SCLT1: variants seen among roughly 807,000 people sequenced by gnomAD.
The protein encoded by SCLT1 is sodium channel and clathrin linker 1.
A neutral mutation model predicts 112.8 loss-of-function variants in SCLT1; 78 were observed. The observed-to-expected ratio is 0.69, with a 90% CI of 0.58 to 0.83. The LOEUF (loss-of-function observed/expected upper bound fraction) is 0.83. SCLT1 is among the 40% of genes least tolerant of loss of function. The pLI is 0.00. For missense variants in SCLT1, 747 were observed against 770.4 expected, an observed-to-expected ratio of 0.97 and a Z score of 0.36; for synonymous variants, 257 against 254.7, an observed-to-expected ratio of 1.01 and a Z score of -0.09.
intron 2 of SCLT1, among the ~76,000 whole-genome samples, chr4:129,076,199 T>C (rs1464221853): frequency 6.6e-6 from 1 of 152,178 alleles, no homozygotes; most frequent in African/African-American, 2.4e-5. Flanking sequence ...AGGGATCCTT[T>C]GTCTATGTTA....
chr4:129,038,065 C>T (rs1049813050), intron 5 of SCLT1: 3 of 153,072 alleles, frequency 2.0e-5, no homozygotes, highest in African/African-American at 4.8e-5. Context: ...ATCCGGGAGG[C>T]GGAGCTTGCA....
chr4:128,918,894 T>C (rs1308202765), intron 18 of SCLT1, among the ~76,000 whole-genome samples: 3 of 152,188 alleles, frequency 2.0e-5, no homozygotes, highest in Non-Finnish European at 2.9e-5. Context: ...TAAATATATA[T>C]GCATCTAGCA....
chr4:128,874,509 A>T (rs530620862), intron 4 of SCLT1: 12 of 44,098 alleles, frequency 2.7e-4, no homozygotes, highest in East Asian at 9.9e-4. Context: ...AAAAAATATT[A>T]AAAAAAACCC....
chr4:129,078,536 A>C (rs1474816791), intron 2 of SCLT1, among the ~76,000 whole-genome samples: 1 of 151,784 alleles, frequency 6.6e-6, no homozygotes, highest in Admixed American at 6.6e-5. Context: ...AAGTATGCAT[A>C]AAAATTATAT....
chr4:128,930,450 G>A (rs1467208142), intron 18 of SCLT1, among the ~76,000 whole-genome samples: 2 of 152,112 alleles, frequency 1.3e-5, no homozygotes, highest in Non-Finnish European at 2.9e-5. Flanking sequence ...ATGAGTAAAC[G>A]CTTGACTCAT....
At chr4:128,918,189 TA>T (rs1414115989) in intron 18 of SCLT1, among the ~76,000 whole-genome samples, 1 of 152,158 alleles carries the variant, frequency 6.6e-6, no homozygotes, top group East Asian at 1.9e-4. Context: ...AATAAATAGA[TA>T]GAGAAACCAG....
chr4:128,908,374 G>A (rs1224153802), intron 18 of SCLT1, among the ~76,000 whole-genome samples: 4 of 96,628 alleles, frequency 4.1e-5, no homozygotes, highest in Admixed American at 2.5e-4. Flanking sequence ...CTCTCATCCT[G>A]TTAATTAAAA....
chr4:128,913,722 C>T (rs764641915), intron 18 of SCLT1, among the ~76,000 whole-genome samples: 11 of 152,082 alleles, frequency 7.2e-5, no homozygotes, highest in Admixed American at 1.3e-4. Context: ...TAAAATGGGG[C>T]GCTCTCAAAA....
intron 10 of SCLT1, among the ~76,000 whole-genome samples, chr4:128,967,940 AGT>A (rs1187124238): frequency 6.6e-6 from 1 of 152,138 alleles, no homozygotes; most frequent in Admixed American, 6.5e-5. Flanking sequence ...TATGTCCAGA[AGT>A]GTTTCCACAG....
intron 2 of SCLT1, among the ~76,000 whole-genome samples, chr4:129,069,211 G>T (rs1045689564): frequency 1.3e-5 from 2 of 152,168 alleles, no homozygotes; most frequent in Admixed American, 6.5e-5. Flanking sequence ...GTAGTATGAT[G>T]CCTCCAGATT....
chr4:128,931,760 C>A (rs1004292183), intron 18 of SCLT1, among the ~76,000 whole-genome samples: 6 of 152,182 alleles, frequency 3.9e-5, no homozygotes, highest in African/African-American at 1.4e-4. Flanking sequence ...CCGCACCCGG[C>A]CTACAGAATT....
In SCLT1 at chr4:128,952,703, T is replaced by C. The variant is rs541781090; in HGVS notation, c.1218+66A>G. 85 of 888,588 alleles carry C rather than the reference T, an allele frequency of 9.6e-5. No homozygotes were observed. In the South Asian group the frequency reaches 1.0e-3, roughly 11 times the overall value. 55.0% of individuals were successfully genotyped at this position (888,588 alleles called of 1,614,324 possible). On this transcript the variant is annotated intron_variant, in intron 14 of 20. Transcript: ENST00000281142. ...ATCTTTTGAATGAATGAATCCCCAA[T>C]AGTATATATCTTGGCCTTTAAAATA...
intron 1 of SCLT1, among the ~76,000 whole-genome samples, chr4:129,082,880 A>G (rs1304114402): frequency 6.6e-6 from 1 of 152,150 alleles, no homozygotes; most frequent in East Asian, 1.9e-4. Flanking sequence ...CCCAGAATAA[A>G]GGTGAGAGGT....
chr4:128,975,859 T>G (rs1161813971), intron 9 of SCLT1, among the ~76,000 whole-genome samples: 2 of 152,096 alleles, frequency 1.3e-5, no homozygotes, highest in Admixed American at 6.6e-5. Context: ...TATTTCAAAT[T>G]TTTTCCTCTT....
intron 9 of SCLT1, among the ~76,000 whole-genome samples, chr4:128,973,392 T>C (rs1187257302): frequency 7.6e-6 from 1 of 131,896 alleles, no homozygotes; most frequent in Non-Finnish European, 1.5e-5. Flanking sequence ...AGTAAATCAA[T>C]CATAAATGAA....
intron 9 of SCLT1, among the ~76,000 whole-genome samples, chr4:128,982,528 G>C (rs1420903977): frequency 2.0e-5 from 3 of 152,112 alleles, no homozygotes; most frequent in African/African-American, 7.2e-5. Context: ...TTGAGATGGA[G>C]TCTTGCTCTG....
At chr4:129,055,344 C>T (rs1749257683) in intron 2 of SCLT1, among the ~76,000 whole-genome samples, 1 of 152,210 alleles carries the variant, frequency 6.6e-6, no homozygotes, top group Admixed American at 6.5e-5. Context: ...TCAGAGCCAT[C>T]AGGCAAGATC....
intron 5 of SCLT1, among the ~76,000 whole-genome samples, chr4:129,024,273 G>A (rs1018875007): frequency 3.3e-5 from 5 of 152,128 alleles, no homozygotes; most frequent in Non-Finnish European, 5.9e-5. Context: ...CCTGACCCCT[G>A]AGCAGCCTAA....
intron 5 of SCLT1, among the ~76,000 whole-genome samples, chr4:129,026,882 T>C (rs1224727875): frequency 6.6e-6 from 1 of 152,066 alleles, no homozygotes; most frequent in South Asian, 2.1e-4. Context: ...ACCACTGATC[T>C]CACAGAAATA....
Sources: gnomAD v4.1 joint callset for allele counts (sites outside exome capture counted in the v4.1 genomes callset) on GRCh38, gnomAD v4.1.1 for gene constraint, MANE v1.5 for transcripts, NCBI Gene and HGNC (gene_info 2026-07-23, HGNC 2026-07-21) for gene names.